Variants in LARGE1 observed in about 807,000 individuals in gnomAD.
The protein encoded by LARGE1 is LARGE xylosyl- and glucuronyltransferase 1, also known as xylosyl- and glucuronyltransferase LARGE1.
A neutral mutation model predicts 87.6 loss-of-function variants in LARGE1; 43 were observed. The observed-to-expected ratio is 0.49, with a 90% CI of 0.38 to 0.63. The LOEUF (loss-of-function observed/expected upper bound fraction) is 0.63, where lower values mean the gene tolerates loss of function less well. Ranked by LOEUF, LARGE1 falls within the 30% of genes least tolerant of loss-of-function variation. The pLI, the probability that LARGE1 is intolerant of heterozygous loss-of-function variation, is 0.00. For synonymous variants in LARGE1, 434 were observed against 394.6 expected (o/e 1.10, Z -1.18); for missense variants, 802 against 1,000.2 (o/e 0.80, Z 2.67).
At chr22:33,888,196 C>T (rs570274739) in intron 1 of LARGE1, among the ~76,000 whole-genome samples, 4 of 151,854 alleles carry the variant, frequency 2.6e-5, no homozygotes, top group Admixed American at 6.6e-5. Flanking sequence ...TAAGTAGTCA[C>T]ATTCATGACC....
At chr22:33,505,132 C>T (rs2070701768) in intron 6 of LARGE1, among the ~76,000 whole-genome samples, 3 of 152,252 alleles carry the variant, frequency 2.0e-5, no homozygotes. Flanking sequence ...GAGCACTGAA[C>T]AGGCATGCAG....
At chr22:33,388,631 T>C (rs2065408971) in intron 7 of LARGE1, among the ~76,000 whole-genome samples, 1 of 152,204 alleles carries the variant, frequency 6.6e-6, no homozygotes, top group African/African-American at 2.4e-5. Context: ...AATGGCACGA[T>C]CTCGGCTCAC....
chr22:33,872,365 TTATTA>T (rs2064320043), intron 1 of LARGE1, among the ~76,000 whole-genome samples: 1 of 48,296 alleles, frequency 2.1e-5, no homozygotes, highest in African/African-American at 2.1e-4. Context: ...CTATCTATTA[TTATTA>T]TTATTATTAT....
At chr22:33,201,340 AAGAAAGAGAGAGAAAG>A (rs932954383) in intron 11 of LARGE1, among the ~76,000 whole-genome samples, 7 of 90,862 alleles carry the variant, frequency 7.7e-5, no homozygotes, top group African/African-American at 3.6e-4. Context: ...GAGAGAGAGA[AAGAAAGAGAGAGAAAG>A]AGAGAGAGAG....
chr22:33,883,586 G>T (rs1267696147), intron 1 of LARGE1, among the ~76,000 whole-genome samples: 4 of 152,216 alleles, frequency 2.6e-5, no homozygotes, highest in Non-Finnish European at 5.9e-5. Flanking sequence ...AGAACAATTG[G>T]GTTCCTCTCT....
At chr22:33,207,472 C>A (rs1442170412) in intron 11 of LARGE1, among the ~76,000 whole-genome samples, 1 of 152,136 alleles carries the variant, frequency 6.6e-6, no homozygotes, top group Non-Finnish European at 1.5e-5. Context: ...CTTCTGCCCC[C>A]AGGTAATACT....
intron 4 of LARGE1, among the ~76,000 whole-genome samples, chr22:33,624,119 T>C (rs1030112161): frequency 1.3e-5 from 2 of 152,218 alleles, no homozygotes; most frequent in African/African-American, 2.4e-5. Flanking sequence ...GGAACTGAAC[T>C]AAGTCTGGGC....
chr22:33,838,292 C>T (rs2063167465), intron 1 of LARGE1, among the ~76,000 whole-genome samples: 1 of 152,126 alleles, frequency 6.6e-6, no homozygotes, highest in Admixed American at 6.6e-5. Flanking sequence ...GCTGAAATCT[C>T]GTCTATTCAA....
rs117954898 is a variant in LARGE1 at position 33,430,757 on chromosome 22, A to C, written c.892+1404T>G. On this transcript the variant is annotated intron_variant, in intron 7 of 14. Transcript: ENST00000397394. Reference sequence around the variant, plus strand: ...TTGTCCTCCTCTAGCTTTGACCCCCACTCTGACCCCATCTGTGAACTCTTA... The same window carrying C: ...TTGTCCTCCTCTAGCTTTGACCCCCCCTCTGACCCCATCTGTGAACTCTTA... 8.8e-3 allele frequency among the ~76,000 whole-genome samples: 1,338 copies of C among 151,414 alleles called. 7 individuals are homozygous for C. The highest frequency in any genetic ancestry group is 0.015 in the Non-Finnish European group (1,003 of 67,828).
In LARGE1 at chr22:33,356,699, G is replaced by A. The variant is rs1196078497; in HGVS notation, c.1132-18898C>T. ...GCAGGAGAATTGCTTGAACCCAGGA[G>A]GCAGAGGTTGCAGTGAGCGGGGATC... is the stretch of plus-strand genomic sequence containing the variant. On this transcript the variant is annotated intron_variant, in intron 9 of 14. Transcript: ENST00000397394. Among the ~76,000 whole-genome samples the A allele has an allele frequency of 3.9e-5, 6 of 152,268 alleles. No individual in the cohort carries two copies. The East Asian group carries it at 7.7e-4, about 20-fold the overall frequency.
intron 1 of LARGE1, among the ~76,000 whole-genome samples, chr22:33,836,750 A>AT (rs1358572150): frequency 6.6e-6 from 1 of 151,602 alleles, no homozygotes; most frequent in Non-Finnish European, 1.5e-5. Flanking sequence ...TGTGATTCAG[A>AT]TTTTTTATCT....
rs61305708 is a variant in LARGE1 at position 33,740,324 on chromosome 22, C to G, written c.106+21047G>C. Reference sequence around the variant, plus strand: ...ACATACTTCTATTATAGCAAGTATGCTAAATGGCAATAGTGAGTCCTTCCC... The same window carrying G: ...ACATACTTCTATTATAGCAAGTATGGTAAATGGCAATAGTGAGTCCTTCCC... On this transcript the variant is annotated intron_variant, in intron 2 of 14. Coordinates refer to ENST00000397394, the MANE Select transcript of LARGE1 (RefSeq NM_133642.5). Among the ~76,000 whole-genome samples the G allele has an allele frequency of 2.3e-3, 350 of 152,306 alleles. 1 individual carries two copies. Among genetic ancestry groups the G allele is most frequent in the African/African-American group, 8.1e-3 (336 of 41,578 alleles).
chr22:33,769,478 G>A (rs183582365), intron 1 of LARGE1, among the ~76,000 whole-genome samples: 56 of 152,300 alleles, frequency 3.7e-4, no homozygotes, highest in Non-Finnish European at 6.9e-4. Context: ...TAGACAAGAA[G>A]CTAATCAATA....
intron 12 of LARGE1, among the ~76,000 whole-genome samples, chr22:33,286,164 GC>G (rs1162434496): frequency 2.0e-5 from 3 of 152,184 alleles, no homozygotes; most frequent in Non-Finnish European, 4.4e-5. Flanking sequence ...GCCTGTCCCA[GC>G]CTGGATTCTT....
rs60105421 is a variant in LARGE1 at position 33,503,242 on chromosome 22, C to CTT, written c.787+61604_787+61605dup. On this transcript the variant is annotated intron_variant, in intron 6 of 14. Coordinates refer to ENST00000397394, the MANE Select transcript of LARGE1 (RefSeq NM_133642.5). ...CTTGGAAAATGGTTTAGGAGTTCCCCTTTTTTTTTTTTTTTTGTTTTTTTT... is the reference window on the plus strand; with the variant it reads ...CTTGGAAAATGGTTTAGGAGTTCCCCTTTTTTTTTTTTTTTTTTGTTTTTTTT... 6.4e-3 allele frequency among the ~76,000 whole-genome samples: 912 copies of CTT among 142,776 alleles called. 11 individuals are homozygous for CTT. Among genetic ancestry groups the CTT allele is most frequent in the African/African-American group, 0.022 (846 of 38,018 alleles). The allele number at this position is 142,776 out of a possible 152,430, so 93.7% of individuals were successfully genotyped here. A position where few individuals can be genotyped will look rare whatever the true frequency, so the allele number is the denominator to read the frequency against.
At position 33,872,359 on chromosome 22, in the gene LARGE1, C is replaced by CTATTAT. The variant is rs3072360; in HGVS notation, c.-83+47630_-83+47635dup. Among the ~76,000 whole-genome samples the CTATTAT allele has an allele frequency of 0.014, 2,011 of 142,756 alleles. 61 individuals carry two copies. In the East Asian group the frequency reaches 0.14, roughly 10 times the overall value. 93.7% of individuals were successfully genotyped at this position (142,756 alleles called of 152,430 possible). A position where few individuals can be genotyped will look rare whatever the true frequency, so the allele number is the denominator to read the frequency against. The stretch of plus-strand genomic sequence containing the variant: ...AGAGCAGACACGCAGTAAATGCTAT[C>CTATTAT]TATTATTATTATTATTATTATTATT... On this transcript the variant is annotated intron_variant, in intron 1 of 14. Coordinates refer to ENST00000397394, the MANE Select transcript of LARGE1 (RefSeq NM_133642.5).
chr22:33,779,685 C>T lies in LARGE1; in HGVS notation c.-82-18127G>A, dbSNP rs541131780. 4.0e-5 allele frequency among the ~76,000 whole-genome samples: 6 copies of T among 151,882 alleles called. 1 individual carries two copies. Among genetic ancestry groups the T allele is most frequent in the Non-Finnish European group, 7.4e-5 (5 of 67,990 alleles). ...GCTGTAATCCCAGTTACTTGGGAGG[C>T]TGAGGCAGCAGAATCACTTGAACCC... is the stretch of plus-strand genomic sequence containing the variant. On this transcript the variant is annotated intron_variant, in intron 1 of 14. Transcript: ENST00000397394.
intron 1 of LARGE1, among the ~76,000 whole-genome samples, chr22:33,902,089 T>G (rs1010481862): frequency 6.6e-6 from 1 of 152,198 alleles, no homozygotes; most frequent in African/African-American, 2.4e-5. Context: ...AGGCAGAACC[T>G]TAAAGATTAG....
chr22:33,835,357 C>T (rs1292154932), intron 1 of LARGE1, among the ~76,000 whole-genome samples: 4 of 152,218 alleles, frequency 2.6e-5, no homozygotes, highest in East Asian at 1.9e-4. Context: ...GGCACTGTCT[C>T]AGCAGGGATT....
Sources: gnomAD v4.1 joint callset for allele counts (sites outside exome capture counted in the v4.1 genomes callset) on GRCh38, gnomAD v4.1.1 for gene constraint, MANE v1.5 for transcripts, NCBI Gene and HGNC (gene_info 2026-07-23, HGNC 2026-07-21) for gene names.